KCNQ3: variants seen among roughly 807,000 people sequenced by gnomAD.
The protein encoded by KCNQ3 is potassium voltage-gated channel subfamily KQT member 3.
A neutral mutation model predicts 92.5 loss-of-function variants in KCNQ3; 30 were observed. The ratio of observed to expected loss-of-function variants is 0.32; its 90% CI spans 0.24 to 0.44. The LOEUF (loss-of-function observed/expected upper bound fraction) is 0.44, where lower values mean the gene tolerates loss of function less well. KCNQ3 is among the 20% of genes least tolerant of loss of function. The probability of loss-of-function intolerance (pLI) is 1.00; values close to 1 mark genes in which losing one functional copy is unlikely to be tolerated. For synonymous variants in KCNQ3, 450 were observed against 468.8 expected (o/e 0.96, Z 0.52); for missense variants, 913 against 1,140.3 (o/e 0.80, Z 2.87).
intron 1 of KCNQ3, among the ~76,000 whole-genome samples, chr8:132,414,174 C>T (rs958504188): frequency 1.3e-5 from 2 of 152,204 alleles, no homozygotes; most frequent in African/African-American, 4.8e-5. Context: ...AATAGCCCCT[C>T]GAGGTTTCAT....
chr8:132,447,447 C>T (rs928398298), intron 1 of KCNQ3, among the ~76,000 whole-genome samples: 19 of 151,228 alleles, frequency 1.3e-4, no homozygotes, highest in African/African-American at 3.7e-4. Context: ...GGTACCTGTG[C>T]GTGGGCCACA....
intron 5 of KCNQ3, among the ~76,000 whole-genome samples, chr8:132,175,029 A>C (rs949492731): frequency 6.6e-6 from 1 of 152,240 alleles, no homozygotes; most frequent in Non-Finnish European, 1.5e-5. Flanking sequence ...ACCCAGAGAG[A>C]TGCTCTGGAG....
chr8:132,148,604 G>A (rs543942931), intron 9 of KCNQ3, among the ~76,000 whole-genome samples: 1 of 152,386 alleles, frequency 6.6e-6, no homozygotes, highest in African/African-American at 2.4e-5. Flanking sequence ...ATGTGTCTGT[G>A]AGGGTGGAAG....
chr8:132,200,500 T>C (rs992793127), intron 1 of KCNQ3, among the ~76,000 whole-genome samples: 3 of 150,624 alleles, frequency 2.0e-5, no homozygotes, highest in Non-Finnish European at 3.0e-5. Flanking sequence ...TGAGGACATG[T>C]TACGTGTCTA....
intron 1 of KCNQ3, among the ~76,000 whole-genome samples, chr8:132,459,957 A>G (rs1822025119): frequency 1.1e-5 from 1 of 88,744 alleles, no homozygotes; most frequent in Middle Eastern, 7.1e-3. Flanking sequence ...GTTATACTCC[A>G]GTATTACTTT....
chr8:132,172,397 T>TAC lies in KCNQ3; in HGVS notation c.1140+199_1140+200dup, dbSNP rs35831322. Among the ~76,000 whole-genome samples the TAC allele has an allele frequency of 0.1, 14,636 of 140,384 alleles. 812 individuals are homozygous for TAC. Among genetic ancestry groups the TAC allele is most frequent in the African/African-American group, 0.16 (6,181 of 38,092 alleles). The allele number at this position is 140,384 out of a possible 152,430, so 92.1% of individuals were successfully genotyped here. ...GCCTGCTCCTGCCTGGGCACATTAA[T>TAC]ACACACACACACACACACACACACA... On this transcript the variant is annotated intron_variant, in intron 7 of 14. Coordinates refer to ENST00000388996, the MANE Select transcript of KCNQ3 (RefSeq NM_004519.4).
chr8:132,194,253 C>T (rs1477542169), intron 1 of KCNQ3, among the ~76,000 whole-genome samples: 1 of 152,214 alleles, frequency 6.6e-6, no homozygotes, highest in Non-Finnish European at 1.5e-5. Flanking sequence ...CTTGTCCTAA[C>T]CCTTGGCCAC....
chr8:132,140,160 G>A lies in KCNQ3; in HGVS notation c.1484C>T (p.Pro495Leu), dbSNP rs1406040212. The change falls in exon 11 of 15, where the codon CCC becomes CTC. Residue 495 changes from proline (P) to leucine (L), a missense_variant. By Grantham distance (98) the Pro-to-Leu change is moderately conservative. This residue lies in a region of KCNQ3 where 182 missense variants were observed against 234.5 expected (regional missense o/e 0.78). Transcript: ENST00000388996. The part of the protein sequence containing the change: ...QSSEDAGTGD[P>L]MAEDRGYGND... ...CCCATAGCCCCTGTCTTCCGCCATG[G>A]GGTCACCTGTCCCGGCATCTGGGAG... The A allele has an allele frequency of 4.3e-6, 7 of 1,613,440 alleles. No individual in the cohort carries two copies. In the South Asian group the frequency reaches 7.7e-5, roughly 18 times the overall value.
Position 132,391,399 on chromosome 8 carries a change from T to C in KCNQ3, c.386+88748A>G, listed in dbSNP as rs552045052. Among the ~76,000 whole-genome samples, 16 of 150,340 alleles carry C rather than the reference T, an allele frequency of 1.1e-4. 2 individuals are homozygous for C. The South Asian group carries it at 3.4e-3, about 32-fold the overall frequency. On this transcript the variant is annotated intron_variant, in intron 1 of 14. Transcript: ENST00000388996. Reference sequence around the variant, plus strand: ...CAGCTGTCTCGCTTCTTCAAGATGTTTTGGTGAGGCGACGCCGAGAAGAGA... The same window carrying C: ...CAGCTGTCTCGCTTCTTCAAGATGTCTTGGTGAGGCGACGCCGAGAAGAGA...
chr8:132,338,798 T>C (rs1818438723), intron 1 of KCNQ3, among the ~76,000 whole-genome samples: 2 of 152,208 alleles, frequency 1.3e-5, no homozygotes. Flanking sequence ...GTCTTCCCAG[T>C]AAGCAATGGT....
chr8:132,374,888 T>C (rs184844102), intron 1 of KCNQ3, among the ~76,000 whole-genome samples: 13 of 152,342 alleles, frequency 8.5e-5, no homozygotes, highest in Admixed American at 2.0e-4. Context: ...TAGTATTCCA[T>C]CGTGTATATG....
intron 1 of KCNQ3, among the ~76,000 whole-genome samples, chr8:132,222,999 C>G (rs1403750207): frequency 6.6e-6 from 1 of 152,170 alleles, no homozygotes; most frequent in African/African-American, 2.4e-5. Flanking sequence ...TATAATGTAT[C>G]CATAATCATT....
At chr8:132,138,100 G>T in intron 11 of KCNQ3, 84 bp from the exon 12 acceptor site, 1 of 1,501,228 alleles carries the variant, frequency 6.7e-7, no homozygotes, top group Non-Finnish European at 9.1e-7. Flanking sequence ...CTCCAGGGCA[G>T]GGGGAGAAAA....
intron 1 of KCNQ3, among the ~76,000 whole-genome samples, chr8:132,351,946 C>T (rs1335295820): frequency 1.3e-5 from 2 of 152,166 alleles, no homozygotes; most frequent in Non-Finnish European, 2.9e-5. Context: ...AAATTACCCC[C>T]ACCGCACCCC....
Position 132,346,233 on chromosome 8 carries a change from G to A in KCNQ3, c.386+133914C>T, listed in dbSNP as rs756821908. Among the ~76,000 whole-genome samples, 39 of 152,226 alleles carry A rather than the reference G, an allele frequency of 2.6e-4. 1 individual carries two copies. The Middle Eastern group carries it at 0.02, about 80-fold the overall frequency. On this transcript the variant is annotated intron_variant, in intron 1 of 14. Coordinates refer to ENST00000388996, the MANE Select transcript of KCNQ3 (RefSeq NM_004519.4). ...GGCTCATATGAGCTAATCTACAAGT[G>A]GGTCTGGAACTTTAAGCCACATATG...
intron 1 of KCNQ3, among the ~76,000 whole-genome samples, chr8:132,434,064 CG>C (rs1821321764): frequency 6.6e-6 from 1 of 151,120 alleles, no homozygotes; most frequent in African/African-American, 2.4e-5. Context: ...AAAAATTAGC[CG>C]GGCGTAGTGG....
At chr8:132,286,381 G>T (rs1025227739) in intron 1 of KCNQ3, among the ~76,000 whole-genome samples, 6 of 152,240 alleles carry the variant, frequency 3.9e-5, no homozygotes, top group African/African-American at 1.2e-4. Context: ...AGGCCTTTAA[G>T]ATTTAATGTC....
At chr8:132,151,452 A>T (rs1158893193) in intron 9 of KCNQ3, among the ~76,000 whole-genome samples, 1 of 152,216 alleles carries the variant, frequency 6.6e-6, no homozygotes, top group African/African-American at 2.4e-5. Context: ...TGGTGGAAGG[A>T]TTGTAAAAAT....
chr8:132,205,182 A>T (rs530108973), intron 1 of KCNQ3, among the ~76,000 whole-genome samples: 8 of 152,208 alleles, frequency 5.3e-5, no homozygotes, highest in Non-Finnish European at 1.2e-4. Context: ...TCACCCTCCA[A>T]AAAGATAAGA....
Sources: allele counts gnomAD v4.1 joint callset (sites outside exome capture counted in the v4.1 genomes callset), GRCh38; gene constraint gnomAD v4.1.1; regional missense constraint gnomAD v4.1.1; transcripts MANE v1.5; gene names NCBI Gene and HGNC (gene_info 2026-07-23, HGNC 2026-07-21).